The following SUGCT variants were observed in gnomAD, a reference collection of about 807,000 sequenced individuals.
The protein encoded by SUGCT is succinyl-CoA:glutarate-CoA transferase.
SUGCT carries 41 observed loss-of-function variants against 55.0 expected under a neutral mutation model. The observed-to-expected ratio is 0.74, with a 90% CI of 0.58 to 0.97. SUGCT has a LOEUF of 0.97. Ranked by LOEUF, SUGCT falls within the 50% of genes least tolerant of loss-of-function variation. SUGCT has a pLI of 0.00. For synonymous variants in SUGCT, 187 were observed against 200.4 expected (o/e 0.93, Z 0.56); for missense variants, 568 against 547.8 (o/e 1.04, Z -0.37).
chr7:40,995,178 G>C, the SUGCT span, among the ~76,000 whole-genome samples: 1 of 152,126 alleles, frequency 6.6e-6, no homozygotes. Context: ...TGGGAATAGA[G>C]ATGACAAGGA....
At chr7:40,512,321 T>A (rs1463498754) in intron 12 of SUGCT, among the ~76,000 whole-genome samples, 1 of 152,172 alleles carries the variant, frequency 6.6e-6, no homozygotes, top group African/African-American at 2.4e-5. Context: ...ACTTTCCCAA[T>A]ATACATATCC....
the SUGCT span, among the ~76,000 whole-genome samples, chr7:40,875,361 A>G: frequency 6.4e-4 from 98 of 152,336 alleles, 2 homozygotes; most frequent in East Asian, 0.018. Flanking sequence ...GTGTAGTTCC[A>G]TATTGTCTAA....
intron 1 of SUGCT, among the ~76,000 whole-genome samples, chr7:40,180,636 G>A (rs542390457): frequency 2.0e-3 from 304 of 151,868 alleles, no homozygotes; most frequent in African/African-American, 6.8e-3. Context: ...TTACAGGCAT[G>A]TGCCACCATG....
chr7:40,304,522 T>G (rs1256696289), intron 8 of SUGCT, among the ~76,000 whole-genome samples: 1 of 151,476 alleles, frequency 6.6e-6, no homozygotes, highest in African/African-American at 2.4e-5. Flanking sequence ...TTTCTGAGAT[T>G]TTGGTGCACC....
chr7:40,212,258 C>T (rs1787383181), intron 6 of SUGCT, among the ~76,000 whole-genome samples: 1 of 146,238 alleles, frequency 6.8e-6, no homozygotes, highest in Admixed American at 6.8e-5. Context: ...GACCCCATAT[C>T]TAAAAAAAAA....
chr7:40,217,966 C>T lies in SUGCT; in HGVS notation c.485-19669C>T, dbSNP rs775117044. On this transcript the variant is annotated intron_variant, in intron 6 of 13. Transcript: ENST00000335693. Reference sequence around the variant, plus strand: ...TGGTGGCTCACACCTGTAATCCTAGCGCTTTGGGAGGCCAAAGCAGGTGGA... The same window carrying T: ...TGGTGGCTCACACCTGTAATCCTAGTGCTTTGGGAGGCCAAAGCAGGTGGA... Among the ~76,000 whole-genome samples, 15 of 152,084 alleles carry T rather than the reference C, an allele frequency of 9.9e-5. No individual in the cohort carries two copies. The East Asian group carries it at 1.5e-3, about 16-fold the overall frequency.
the SUGCT span, among the ~76,000 whole-genome samples, chr7:40,915,933 C>T: frequency 6.6e-6 from 1 of 152,186 alleles, no homozygotes; most frequent in Admixed American, 6.5e-5. Context: ...GAGAACTGCA[C>T]ATCACCCATT....
At chr7:40,375,377 G>C (rs1784491501) in intron 9 of SUGCT, among the ~76,000 whole-genome samples, 1 of 152,182 alleles carries the variant, frequency 6.6e-6, no homozygotes, top group African/African-American at 2.4e-5. Context: ...CTTTGAGTGG[G>C]AAGACTTGTC....
chr7:40,870,190 G>T, the SUGCT span, among the ~76,000 whole-genome samples: 1 of 152,076 alleles, frequency 6.6e-6, no homozygotes, highest in East Asian at 1.9e-4. Context: ...ATTTCATTCT[G>T]ATCAATGTCA....
At chr7:40,984,506 C>T in the SUGCT span, among the ~76,000 whole-genome samples, 1 of 152,100 alleles carries the variant, frequency 6.6e-6, no homozygotes, top group South Asian at 2.1e-4. Context: ...TATTATGCTG[C>T]CAGTTTATGG....
chr7:40,685,195 A>T (rs1784414643), intron 12 of SUGCT, among the ~76,000 whole-genome samples: 1 of 152,034 alleles, frequency 6.6e-6, no homozygotes, highest in Non-Finnish European at 1.5e-5. Context: ...TTTTGACTTC[A>T]TTCATACACT....
chr7:40,854,450 T>TTCTC (rs1794052840), intron 13 of SUGCT, among the ~76,000 whole-genome samples: 1 of 146,774 alleles, frequency 6.8e-6, no homozygotes, highest in Non-Finnish European at 1.5e-5. Flanking sequence ...CTTTCTTTCT[T>TTCTC]TCTTTCTTTC....
chr7:40,438,188 A>G (rs1020369855), intron 9 of SUGCT, among the ~76,000 whole-genome samples: 4 of 152,128 alleles, frequency 2.6e-5, no homozygotes, highest in South Asian at 2.1e-4. Context: ...GAAATTCTCA[A>G]TTGACCTTCT....
At chr7:40,630,335 C>T (rs1306983008) in intron 12 of SUGCT, among the ~76,000 whole-genome samples, 2 of 152,302 alleles carry the variant, frequency 1.3e-5, no homozygotes, top group African/African-American at 4.8e-5. Context: ...GGAACTGGGT[C>T]CTTTTCTTCT....
intron 13 of SUGCT, among the ~76,000 whole-genome samples, chr7:40,833,920 A>G (rs1194456147): frequency 6.6e-6 from 1 of 152,220 alleles, no homozygotes; most frequent in Non-Finnish European, 1.5e-5. Context: ...TTGTTTGAAA[A>G]TCAATAGAAC....
At chr7:40,390,192 T>A (rs992571794) in intron 9 of SUGCT, among the ~76,000 whole-genome samples, 1 of 152,140 alleles carries the variant, frequency 6.6e-6, no homozygotes, top group Non-Finnish European at 1.5e-5. Flanking sequence ...TGAATGGGCA[T>A]AAACTGGAAG....
intron 12 of SUGCT, among the ~76,000 whole-genome samples, chr7:40,684,799 T>C (rs1784396955): frequency 6.6e-6 from 1 of 152,146 alleles, no homozygotes; most frequent in Non-Finnish European, 1.5e-5. Context: ...ATGTTTCTCA[T>C]GGTTGAGACA....
At chr7:40,530,875 G>A (rs760066448) in intron 12 of SUGCT, among the ~76,000 whole-genome samples, 28 of 152,146 alleles carry the variant, frequency 1.8e-4, no homozygotes, top group African/African-American at 6.3e-4. Flanking sequence ...TGGGTTAGGC[G>A]TGTGCTAAGT....
chr7:40,420,237 G>A, intron 9 of SUGCT, among the ~76,000 whole-genome samples: 1 of 152,182 alleles, frequency 6.6e-6, no homozygotes, highest in East Asian at 1.9e-4. Flanking sequence ...TGCAGTGAAA[G>A]TGTCTTGAGA....
Sources: allele counts gnomAD v4.1 joint callset (sites outside exome capture counted in the v4.1 genomes callset), GRCh38; gene constraint gnomAD v4.1.1; transcripts MANE v1.5; gene names NCBI Gene and HGNC (gene_info 2026-07-23, HGNC 2026-07-21).